The following DCDC2C variants were observed in gnomAD, a reference collection of about 807,000 sequenced individuals.
The protein encoded by DCDC2C is doublecortin domain-containing protein 2C.
Under a neutral mutation model 45.0 loss-of-function variants are expected in DCDC2C, and 44 were observed. The observed-to-expected ratio is 0.98, with a 90% CI of 0.77 to 1.26. The LOEUF (loss-of-function observed/expected upper bound fraction) is 1.26. Ranked by LOEUF, DCDC2C falls within the 50% of genes most tolerant of loss-of-function variation. The pLI, the probability that DCDC2C is intolerant of heterozygous loss-of-function variation, is 0.00. For synonymous variants in DCDC2C, 187 were observed against 178.8 expected, an observed-to-expected ratio of 1.05 and a Z score of -0.37; for missense variants, 447 against 468.9, an observed-to-expected ratio of 0.95 and a Z score of 0.43.
At chr2:3,753,223 T>C (rs1572587205) in intron 5 of DCDC2C, among the ~76,000 whole-genome samples, 1 of 152,242 alleles carries the variant, frequency 6.6e-6, no homozygotes, top group African/African-American at 2.4e-5. Flanking sequence ...CTGCCTGTGA[T>C]GCACCCAGCA....
In DCDC2C at chr2:3,766,310, G is replaced by GCATACACACA. The variant is rs775538945; in HGVS notation, c.727-1442_727-1441insTACACACACA. ...CTCATACATACACATACACACACAC[G>GCATACACACA]CACACACACACACACACACACACGG... On this transcript the variant is annotated intron_variant, in intron 6 of 10. Coordinates refer to ENST00000399143, the MANE Select transcript of DCDC2C (RefSeq NM_001287444.2). Among the ~76,000 whole-genome samples, 1,073 of 146,144 alleles carry GCATACACACA rather than the reference G, an allele frequency of 7.3e-3. 12 individuals are homozygous for GCATACACACA. Among genetic ancestry groups the GCATACACACA allele is most frequent in the African/African-American group, 0.026 (1,033 of 40,040 alleles).
chr2:3,714,842 T>C (rs950982679), intron 2 of DCDC2C, among the ~76,000 whole-genome samples: 1 of 152,254 alleles, frequency 6.6e-6, no homozygotes, highest in African/African-American at 2.4e-5. Flanking sequence ...CTTAGTGATC[T>C]TGCCAATGGC....
chr2:3,764,677 A>C (rs1669970882), intron 6 of DCDC2C, among the ~76,000 whole-genome samples: 1 of 152,176 alleles, frequency 6.6e-6, no homozygotes, highest in Non-Finnish European at 1.5e-5. Context: ...ATGAAAATGG[A>C]CTAATACATA....
At chr2:3,833,378 A>G (rs1179017635) in intron 10 of DCDC2C, among the ~76,000 whole-genome samples, 1 of 152,150 alleles carries the variant, frequency 6.6e-6, no homozygotes, top group African/African-American at 2.4e-5. Flanking sequence ...TGAGTCTTAT[A>G]TGTGCTAAGC....
At chr2:3,729,083 C>T (rs570698504) in intron 3 of DCDC2C, among the ~76,000 whole-genome samples, 4 of 152,320 alleles carry the variant, frequency 2.6e-5, no homozygotes, top group East Asian at 1.9e-4. Flanking sequence ...CTTATACTGG[C>T]GTGGAAAACA....
chr2:3,831,183 C>T (rs1671942054), intron 10 of DCDC2C, among the ~76,000 whole-genome samples: 1 of 152,046 alleles, frequency 6.6e-6, no homozygotes, highest in South Asian at 2.1e-4. Context: ...CAGCCCTCTT[C>T]CAAATGATCC....
intron 10 of DCDC2C, among the ~76,000 whole-genome samples, chr2:3,802,983 C>T (rs1671149707): frequency 6.6e-6 from 1 of 152,180 alleles, no homozygotes. Flanking sequence ...TATGTACCTA[C>T]CATCTTGTTT....
chr2:3,836,658 T>C (rs62107645), intron 10 of DCDC2C, among the ~76,000 whole-genome samples: 13,109 of 152,078 alleles, frequency 0.086, 646 homozygotes, highest in Admixed American at 0.14. Context: ...GTCAGGAGAT[T>C]GAGAACATCC....
At chr2:3,796,759 G>T in intron 10 of DCDC2C, among the ~76,000 whole-genome samples, 1 of 144,518 alleles carries the variant, frequency 6.9e-6, no homozygotes, top group African/African-American at 2.6e-5. Flanking sequence ...TGTGCTGCTG[G>T]ATTCGTTTTG....
At chr2:3,813,055 ATATATATATATAT>A (rs1329606711) in intron 10 of DCDC2C, among the ~76,000 whole-genome samples, 2,380 of 97,692 alleles carry the variant, frequency 0.024, 107 homozygotes, top group African/African-American at 0.11. Flanking sequence ...ATATATATAT[ATATATATATATAT>A]TTTTTTTTTT....
At chr2:3,791,406 G>T (rs1430390629) in intron 10 of DCDC2C, among the ~76,000 whole-genome samples, 1 of 152,104 alleles carries the variant, frequency 6.6e-6, no homozygotes, top group Admixed American at 6.5e-5. Context: ...TCGCCTTTTC[G>T]TGTGGTGGGC....
chr2:3,778,438 A>G (rs991586472), intron 8 of DCDC2C, among the ~76,000 whole-genome samples: 2 of 152,146 alleles, frequency 1.3e-5, no homozygotes, highest in Non-Finnish European at 2.9e-5. Context: ...GTGAGAACCC[A>G]CTGCTATGTG....
chr2:3,709,293 T>C (rs973877139), intron 2 of DCDC2C, among the ~76,000 whole-genome samples: 1 of 152,224 alleles, frequency 6.6e-6, no homozygotes, highest in African/African-American at 2.4e-5. Flanking sequence ...AAAATGGAGA[T>C]GATAATAGAT....
intron 4 of DCDC2C, among the ~76,000 whole-genome samples, chr2:3,746,979 G>T (rs989424960): frequency 6.6e-6 from 1 of 152,152 alleles, no homozygotes; most frequent in African/African-American, 2.4e-5. Context: ...GTGTGAGAGG[G>T]CCCTGAGGGA....
At chr2:3,829,290 T>C (rs1461583521) in intron 10 of DCDC2C, among the ~76,000 whole-genome samples, 14 of 151,646 alleles carry the variant, frequency 9.2e-5, no homozygotes, top group South Asian at 2.1e-4. Flanking sequence ...TTTTCTTTTT[T>C]TTTTTTTTTT....
intron 10 of DCDC2C, among the ~76,000 whole-genome samples, chr2:3,793,116 T>C (rs1670865257): frequency 1.3e-5 from 2 of 152,212 alleles, no homozygotes; most frequent in South Asian, 4.1e-4. Context: ...ATCCACGGCG[T>C]TGCAAAAAAG....
intron 10 of DCDC2C, among the ~76,000 whole-genome samples, chr2:3,841,631 G>A (rs1483024719): frequency 1.3e-5 from 2 of 152,198 alleles, no homozygotes; most frequent in Non-Finnish European, 2.9e-5. Flanking sequence ...ACAAAGATGA[G>A]TAAACGCAAT....
rs891114733 is a variant in DCDC2C at position 3,734,346 on chromosome 2, C to T, written c.416+7267C>T. The stretch of plus-strand genomic sequence containing the variant: ...CCCTCCCTCCAGAGATAGGAGCCAT[C>T]GACATAAAGAGCGAGATCTACTTAG... On this transcript the variant is annotated intron_variant, in intron 3 of 10. Transcript: ENST00000399143. This position sits in a 1 kb window ranked among gnomAD's most constrained non-coding sequence, Gnocchi z 4.2. Among the ~76,000 whole-genome samples the T allele has an allele frequency of 5.3e-5, 8 of 152,116 alleles. No individual in the cohort carries two copies. Among genetic ancestry groups the T allele is most frequent in the East Asian group, 1.9e-4 (1 of 5,166 alleles).
At chr2:3,717,933 C>T (rs1668390603) in intron 2 of DCDC2C, among the ~76,000 whole-genome samples, 1 of 152,240 alleles carries the variant, frequency 6.6e-6, no homozygotes, top group South Asian at 2.1e-4. Flanking sequence ...GCCTCTTCCT[C>T]CAGGAGGCCT....
Sources: allele counts gnomAD v4.1 joint callset (sites outside exome capture counted in the v4.1 genomes callset), GRCh38; gene constraint gnomAD v4.1.1; non-coding constraint Gnocchi (gnomAD v3.1); transcripts MANE v1.5; gene names NCBI Gene and HGNC (gene_info 2026-07-23, HGNC 2026-07-21).